RANBP2: variants seen among roughly 807,000 people sequenced by gnomAD.
RANBP2 encodes RAN binding protein 2.
RANBP2 carries 57 observed loss-of-function variants against 303.6 expected under a neutral mutation model. That is an observed-to-expected ratio of 0.19 (90% confidence interval 0.15 to 0.23). The LOEUF is 0.23. Among genes scored for constraint, RANBP2 ranks in the 10% least tolerant of loss-of-function variants. The pLI is 1.00. For missense variants in RANBP2, 3,138 were observed against 3,780.8 expected (o/e 0.83, Z 4.46); for synonymous variants, 1,167 against 1,301.5 (o/e 0.90, Z 2.23).
At position 108,764,553 on chromosome 2, in the gene RANBP2, T is replaced by G; in HGVS notation, c.4014T>G (p.Asp1338Glu). 1 of 1,613,930 alleles carries G rather than the reference T, an allele frequency of 6.2e-7. No individual in the cohort carries two copies. The highest frequency in any genetic ancestry group is 1.1e-5 in the South Asian group (1 of 91,052). The change falls in exon 20 of 29, where the codon GAT becomes GAG. Residue 1338 changes from aspartate (D) to glutamate (E), a missense_variant. Physicochemically the swap from Asp to Glu is conservative, Grantham distance 45. Around this residue, in one of 20 missense-constraint regions of RANBP2, gnomAD observed 388 missense variants for 328.5 expected, o/e 1.18. Coordinates refer to ENST00000283195, the MANE Select transcript of RANBP2 (RefSeq NM_006267.5). ...ATAACAAGGATATTTGCAAATCTGA[T>G]GCTGGAAACCTGAATTTTGAATTTC... is the stretch of plus-strand genomic sequence containing the variant. The part of the protein sequence containing the change: ...SHDNKDICKS[D>E]AGNLNFEFQV...
chr2:109,576,566 A>T, the RANBP2 span, among the ~76,000 whole-genome samples: 1 of 152,204 alleles, frequency 6.6e-6, no homozygotes, highest in African/African-American at 2.4e-5. Flanking sequence ...TTTCCAAAAA[A>T]ATAAAATGGG....
chr2:109,368,275 A>T, the RANBP2 span, among the ~76,000 whole-genome samples: 2 of 152,106 alleles, frequency 1.3e-5, no homozygotes, highest in Admixed American at 6.5e-5. Context: ...TATTTTTAAC[A>T]TTGAGTATTT....
the RANBP2 span, among the ~76,000 whole-genome samples, chr2:108,848,640 T>C: frequency 6.6e-6 from 1 of 152,238 alleles, no homozygotes; most frequent in African/African-American, 2.4e-5. Context: ...GTTGAGGAAG[T>C]GTTAGGGAAA....
At chr2:108,805,108 G>C in the RANBP2 span, 1 of 529,252 alleles carries the variant, frequency 1.9e-6, no homozygotes, top group African/African-American at 2.0e-5. Context: ...TTCAGCTAGA[G>C]AAAATTTGGA....
the RANBP2 span, among the ~76,000 whole-genome samples, chr2:109,106,565 G>A: frequency 1.2e-4 from 19 of 152,172 alleles, no homozygotes; most frequent in Admixed American, 9.2e-4. Context: ...GGCCGGGTGC[G>A]GTGGCTCACA....
the RANBP2 span, among the ~76,000 whole-genome samples, chr2:109,603,016 A>G: frequency 1.3e-5 from 2 of 151,840 alleles, no homozygotes; most frequent in African/African-American, 2.4e-5. Flanking sequence ...GGCTGCAGTA[A>G]GCTGTGACTG....
At chr2:109,353,312 C>T in the RANBP2 span, among the ~76,000 whole-genome samples, 8 of 152,330 alleles carry the variant, frequency 5.3e-5, no homozygotes, top group East Asian at 7.7e-4. Context: ...AGCCTGGGTG[C>T]CCCCACACAT....
chr2:109,035,817 C>A, the RANBP2 span, among the ~76,000 whole-genome samples: 1 of 151,878 alleles, frequency 6.6e-6, no homozygotes, highest in Non-Finnish European at 1.5e-5. Context: ...AATGGGTAAA[C>A]ACAAAAAAAA....
the RANBP2 span, among the ~76,000 whole-genome samples, chr2:109,216,316 C>A: frequency 6.6e-6 from 1 of 152,224 alleles, no homozygotes; most frequent in Non-Finnish European, 1.5e-5. Flanking sequence ...GCATTCTCAG[C>A]TTAGTGATCC....
chr2:109,316,832 G>T, the RANBP2 span, among the ~76,000 whole-genome samples: 8 of 152,194 alleles, frequency 5.3e-5, no homozygotes, highest in East Asian at 7.7e-4. Flanking sequence ...CCCTCTGGCT[G>T]CCGTGGGTCT....
the RANBP2 span, among the ~76,000 whole-genome samples, chr2:109,549,103 A>G: frequency 1.3e-5 from 2 of 152,172 alleles, no homozygotes; most frequent in Non-Finnish European, 2.9e-5. Context: ...CATGTTAGGT[A>G]TGTGTGTGTG....
the RANBP2 span, among the ~76,000 whole-genome samples, chr2:108,985,804 CCTAA>C: frequency 6.6e-6 from 1 of 152,144 alleles, no homozygotes; most frequent in African/African-American, 2.4e-5. Context: ...CCCCCTTGTC[CCTAA>C]CTGTGTCATT....
the RANBP2 span, among the ~76,000 whole-genome samples, chr2:109,571,540 T>C: frequency 6.6e-6 from 1 of 152,194 alleles, no homozygotes; most frequent in African/African-American, 2.4e-5. Flanking sequence ...AGTATGTGTA[T>C]ATCTAAACAT....
At chr2:109,660,325 G>A in the RANBP2 span, among the ~76,000 whole-genome samples, 651 of 152,284 alleles carry the variant, frequency 4.3e-3, 4 homozygotes, top group African/African-American at 0.014. Flanking sequence ...AGTAACCAAT[G>A]GGACATGTCT....
the RANBP2 span, among the ~76,000 whole-genome samples, chr2:109,457,821 C>T: frequency 3.3e-5 from 5 of 152,180 alleles, no homozygotes; most frequent in Non-Finnish European, 7.3e-5. Flanking sequence ...AGCGCACACC[C>T]CATAAACTAC....
At chr2:109,707,668 G>A in the RANBP2 span, among the ~76,000 whole-genome samples, 15 of 152,132 alleles carry the variant, frequency 9.9e-5, no homozygotes, top group Admixed American at 3.3e-4. Flanking sequence ...GACAGCATCC[G>A]CCTGTTCTGA....
At chr2:109,224,266 T>G in the RANBP2 span, among the ~76,000 whole-genome samples, 1 of 152,214 alleles carries the variant, frequency 6.6e-6, no homozygotes, top group Non-Finnish European at 1.5e-5. Context: ...TTACCAAGCA[T>G]AGTAAAATAA....
the RANBP2 span, chr2:108,907,729 G>A: frequency 9.8e-7 from 1 of 1,024,040 alleles, no homozygotes; most frequent in South Asian, 1.3e-5. Flanking sequence ...CACTGTCCAG[G>A]TCTCCTATCT....
At chr2:109,147,330 C>T in the RANBP2 span, among the ~76,000 whole-genome samples, 1 of 152,136 alleles carries the variant, frequency 6.6e-6, no homozygotes, top group Non-Finnish European at 1.5e-5. Flanking sequence ...ACCTCAAATG[C>T]TTTTGTGGAC....
Sources: gnomAD v4.1 joint callset for allele counts (sites outside exome capture counted in the v4.1 genomes callset) on GRCh38, gnomAD v4.1.1 for gene constraint, gnomAD v4.1.1 regional missense constraint, MANE v1.5 for transcripts, NCBI Gene and HGNC (gene_info 2026-07-23, HGNC 2026-07-21) for gene names.